Variants in GRIN2D observed in about 807,000 individuals in gnomAD.
GRIN2D encodes glutamate receptor ionotropic, NMDA 2D.
In GRIN2D, 37 loss-of-function variants were observed where a neutral mutation model predicts 103.2. The observed-to-expected ratio is 0.36, with a 90% CI of 0.28 to 0.47. The LOEUF (loss-of-function observed/expected upper bound fraction) is 0.47, where lower values mean the gene tolerates loss of function less well. GRIN2D is among the 20% of genes least tolerant of loss of function. The pLI is 1.00. For synonymous variants in GRIN2D, 845 were observed against 885.6 expected, an observed-to-expected ratio of 0.95 and a Z score of 0.81; for missense variants, 1,557 against 1,910.6, an observed-to-expected ratio of 0.81 and a Z score of 3.45.
intron 3 of GRIN2D, among the ~76,000 whole-genome samples, chr19:48,402,821 G>T (rs1970735469): frequency 6.9e-6 from 1 of 145,768 alleles, no homozygotes; most frequent in Non-Finnish European, 1.5e-5. Flanking sequence ...GAACAGTCTT[G>T]AGATAGGGGA....
intron 4 of GRIN2D, among the ~76,000 whole-genome samples, chr19:48,408,333 CAAAAA>C (rs35238683): frequency 1.0e-5 from 1 of 95,654 alleles, no homozygotes. Context: ...GACTCCATCT[CAAAAA>C]AAAAAAAAAA....
At chr19:48,440,914 T>G (rs1971283520) in intron 11 of GRIN2D, among the ~76,000 whole-genome samples, 2 of 152,198 alleles carry the variant, frequency 1.3e-5, no homozygotes, top group Non-Finnish European at 2.9e-5. Context: ...CTGGAACTCC[T>G]GAGCTGACAG....
intron 2 of GRIN2D, among the ~76,000 whole-genome samples, chr19:48,396,028 G>A (rs1368971773): frequency 6.6e-6 from 1 of 152,150 alleles, no homozygotes; most frequent in Non-Finnish European, 1.5e-5. Flanking sequence ...CTTTACGGGA[G>A]GAGGTAGGGG....
chr19:48,433,579 A>G (rs968384845), intron 11 of GRIN2D, among the ~76,000 whole-genome samples: 1 of 152,134 alleles, frequency 6.6e-6, no homozygotes, highest in Non-Finnish European at 1.5e-5. Context: ...ACAGGGGGAG[A>G]AAGGAAATGC....
At chr19:48,403,198 C>CAAAA (rs145115482) in intron 3 of GRIN2D, among the ~76,000 whole-genome samples, 18 of 91,336 alleles carry the variant, frequency 2.0e-4, no homozygotes, top group African/African-American at 2.0e-4. Flanking sequence ...GACTCTGTCT[C>CAAAA]AAAAAAAAAA....
chr19:48,406,246 A>C (rs911476661), intron 4 of GRIN2D, among the ~76,000 whole-genome samples: 13 of 152,202 alleles, frequency 8.5e-5, no homozygotes, highest in African/African-American at 3.1e-4. Context: ...CATATTTTGA[A>C]TATTACTCCT....
chr19:48,405,252 C>A lies in GRIN2D; in HGVS notation c.984C>A (p.Ala328=). 6.3e-7 allele frequency: 1 copy of A among 1,598,446 alleles called. No individual in the cohort carries two copies. Among genetic ancestry groups the A allele is most frequent in the Non-Finnish European group, 8.5e-7 (1 of 1,177,452 alleles). The change falls in exon 4 of 14, where the codon GCC becomes GCA. Residue 328 remains alanine (A), a synonymous_variant. Transcript: ENST00000263269. This position sits in a 1 kb window ranked among gnomAD's most constrained non-coding sequence, Gnocchi z 5.1. ...RRVAAGVAVV[A]RGAQALLRDY... ...TGGCAGCTGGCGTGGCCGTAGTGGC[C>A]AGAGGTGCCCAGGCCCTGCTGCGTG...
chr19:48,396,407 G>A (rs960120210), intron 2 of GRIN2D, among the ~76,000 whole-genome samples: 4 of 152,072 alleles, frequency 2.6e-5, no homozygotes, highest in Admixed American at 6.5e-5. Flanking sequence ...AGTGGGACGC[G>A]GGGTCCCTAA....
In GRIN2D at chr19:48,394,031, C is replaced by T. The variant is rs566428905; in HGVS notation, c.-306+163C>T. Among the ~76,000 whole-genome samples the T allele has an allele frequency of 5.2e-4, 79 of 152,228 alleles. No individual in the cohort carries two copies. Among genetic ancestry groups the T allele is most frequent in the African/African-American group, 1.9e-3 (77 of 41,528 alleles). On this transcript the variant is annotated intron_variant, in intron 1 of 13. Transcript: ENST00000263269. The surrounding 1 kb of genome is among the most constrained non-coding windows in gnomAD (Gnocchi z 5.1). Reference sequence around the variant, plus strand: ...TCCCGCTCCTTCCCCCCGGCCCCCCCAAACCCAGATGGATGGTGTGTACCT... The same window carrying T: ...TCCCGCTCCTTCCCCCCGGCCCCCCTAAACCCAGATGGATGGTGTGTACCT...
chr19:48,434,964 G>A (rs1007786936), intron 11 of GRIN2D, among the ~76,000 whole-genome samples: 7 of 152,002 alleles, frequency 4.6e-5, no homozygotes, highest in South Asian at 2.1e-4. Flanking sequence ...AATTTATTTC[G>A]TATATTGATC....
At chr19:48,412,421 A>AAAAAG (rs1396930362) in intron 4 of GRIN2D, among the ~76,000 whole-genome samples, 45 of 123,436 alleles carry the variant, frequency 3.6e-4, no homozygotes, top group African/African-American at 1.2e-3. Context: ...AAAGAGAAAG[A>AAAAAG]AAAGAAAGAA....
chr19:48,415,475 G>T (rs1024477668), intron 7 of GRIN2D, among the ~76,000 whole-genome samples: 1 of 145,466 alleles, frequency 6.9e-6, no homozygotes, highest in Non-Finnish European at 1.5e-5. Context: ...GGAGGGACAT[G>T]CCTTGGAACA....
Position 48,442,755 on chromosome 19 carries a change from G to T in GRIN2D, c.2829G>T (p.Trp943Cys), listed in dbSNP as rs1971315006. ...GCGAGCGCGCCTCAGTGGACCGCTG[G>T]CGCCGGACCAAGGGCGCGGGGCCGC... Reference protein sequence around the residue: ...VPRERASVDRWRRTKGAGPPG... With the variant: ...VPRERASVDRCRRTKGAGPPG... The change falls in exon 14 of 14, where the codon TGG (tryptophan) becomes TGT (cysteine). Residue 943 changes from tryptophan to cysteine, a missense_variant. Physicochemically the swap from Trp to Cys is radical, Grantham distance 215. Transcript: ENST00000263269. This position sits in a 1 kb window ranked among gnomAD's most constrained non-coding sequence, Gnocchi z 7.2. 1.8e-6 allele frequency: 2 copies of T among 1,084,108 alleles called. No individual in the cohort carries two copies. Among genetic ancestry groups the T allele is most frequent in the African/African-American group, 1.7e-5 (1 of 58,718 alleles). 67.2% of individuals were successfully genotyped at this position (1,084,108 alleles called of 1,614,324 possible).
chr19:48,412,473 GAAAGAA>G (rs1569063251), intron 4 of GRIN2D, among the ~76,000 whole-genome samples: 41 of 150,504 alleles, frequency 2.7e-4, no homozygotes, highest in African/African-American at 9.0e-4. Flanking sequence ...AAGAAAGAAA[GAAAGAA>G]AGAGAGAGAA....
chr19:48,411,867 C>T (rs1427919331), intron 4 of GRIN2D, among the ~76,000 whole-genome samples: 7 of 151,634 alleles, frequency 4.6e-5, no homozygotes, highest in South Asian at 2.1e-4. Context: ...CTCAGAGATG[C>T]GGCTTCAGAG....
In GRIN2D at chr19:48,405,054, G is replaced by C. The variant is rs1256724975; in HGVS notation, c.786G>C (p.Glu262Asp). Reference protein sequence around the residue: ...EAEPVFRAAEEAGLTGSGYVW... With the variant: ...EAEPVFRAAEDAGLTGSGYVW... ...AGCCCGTGTTCCGCGCAGCTGAGGA[G>C]GCTGGCCTCACTGGATCTGGCTACG... The change falls in exon 4 of 14, where the codon GAG becomes GAC. Residue 262 changes from glutamate (E) to aspartate (D), a missense_variant. Transcript: ENST00000263269. The surrounding 1 kb of genome is among the most constrained non-coding windows in gnomAD (Gnocchi z 5.1). 1 of 1,608,970 alleles carries C rather than the reference G, an allele frequency of 6.2e-7. No individual in the cohort carries two copies.
chr19:48,435,124 C>T (rs937021384), intron 11 of GRIN2D, among the ~76,000 whole-genome samples: 7 of 152,042 alleles, frequency 4.6e-5, no homozygotes, highest in East Asian at 1.9e-4. Context: ...AGAAATGTAT[C>T]GCCCCACAGT....
At chr19:48,403,589 TAGAGA>T (rs1970744886) in intron 3 of GRIN2D, among the ~76,000 whole-genome samples, 1 of 152,072 alleles carries the variant, frequency 6.6e-6, no homozygotes, top group Non-Finnish European at 1.5e-5. Context: ...GAGAGAGGAA[TAGAGA>T]AGAGAACAGT....
Position 48,415,838 on chromosome 19 carries a change from G to C in GRIN2D, c.1582-164G>C, listed in dbSNP as rs1032926505. ...CCATTTCTCACCTCCGCCCTTCCCT[G>C]CCCCACTCTTCGTCCCCCTCCTCAC... is the stretch of plus-strand genomic sequence containing the variant. On this transcript the variant is annotated intron_variant, in intron 7 of 13. Transcript: ENST00000263269. 4.0e-5 allele frequency among the ~76,000 whole-genome samples: 6 copies of C among 151,892 alleles called. No homozygotes were observed. In the East Asian group the frequency reaches 1.2e-3, roughly 29 times the overall value.
Sources: gnomAD v4.1 joint callset for allele counts (sites outside exome capture counted in the v4.1 genomes callset) on GRCh38, gnomAD v4.1.1 for gene constraint, Gnocchi (gnomAD v3.1) non-coding constraint, MANE v1.5 for transcripts, NCBI Gene and HGNC (gene_info 2026-07-23, HGNC 2026-07-21) for gene names.